IL1RAPL1: variants seen among roughly 807,000 people sequenced by gnomAD.
The protein encoded by IL1RAPL1 is interleukin-1 receptor accessory protein-like 1.
Under a neutral mutation model 48.4 loss-of-function variants are expected in IL1RAPL1, and 3 were observed. The ratio of observed to expected loss-of-function variants is 0.06; its 90% CI spans 0.03 to 0.16. The LOEUF (loss-of-function observed/expected upper bound fraction) is 0.16. Ranked by LOEUF, IL1RAPL1 falls within the 10% of genes least tolerant of loss-of-function variation. The pLI, the probability that IL1RAPL1 is intolerant of heterozygous loss-of-function variation, is 1.00. For synonymous variants in IL1RAPL1, 185 were observed against 187.7 expected, an observed-to-expected ratio of 0.99 and a Z score of 0.12; for missense variants, 349 against 530.6, an observed-to-expected ratio of 0.66 and a Z score of 3.36.
chrX:28,922,231 A>C (rs1367392852), intron 2 of IL1RAPL1, among the ~76,000 whole-genome samples: 2 of 112,175 alleles, frequency 1.8e-5, no homozygotes, highest in African/African-American at 6.5e-5. Context: ...TATACATTTC[A>C]AAAGGCTAAT....
chrX:28,800,759 C>T (rs568344868), intron 2 of IL1RAPL1, among the ~76,000 whole-genome samples: 1 of 110,522 alleles, frequency 9.0e-6, no homozygotes, highest in Non-Finnish European at 1.9e-5. Context: ...GGAGAGACAA[C>T]GGAGTCTGAA....
intron 2 of IL1RAPL1, among the ~76,000 whole-genome samples, chrX:28,931,069 A>T (rs750514211): frequency 8.1e-5 from 9 of 111,432 alleles, no homozygotes; most frequent in Non-Finnish European, 1.5e-4. Context: ...GATAACAGTG[A>T]GTGATATTGC....
intron 6 of IL1RAPL1, among the ~76,000 whole-genome samples, chrX:29,709,084 G>T (rs1448959498): frequency 8.9e-6 from 1 of 111,877 alleles, no homozygotes; most frequent in Non-Finnish European, 1.9e-5. Flanking sequence ...TCCTGCTGTT[G>T]AGTTGTTTGA....
At chrX:29,794,719 G>A in intron 6 of IL1RAPL1, among the ~76,000 whole-genome samples, 1 of 111,723 alleles carries the variant, frequency 9.0e-6, no homozygotes, top group Non-Finnish European at 1.9e-5. Context: ...CCATTAAATC[G>A]AATAGAGGGT....
At chrX:29,742,975 C>T (rs1261056453) in intron 6 of IL1RAPL1, among the ~76,000 whole-genome samples, 1 of 110,389 alleles carries the variant, frequency 9.1e-6, no homozygotes, top group African/African-American at 3.3e-5. Context: ...AATCAGCTAA[C>T]CTCTCTGAAT....
intron 2 of IL1RAPL1, among the ~76,000 whole-genome samples, chrX:29,191,288 C>A (rs1290722341): frequency 9.0e-6 from 1 of 111,551 alleles, no homozygotes; most frequent in Non-Finnish European, 1.9e-5. Context: ...AAACAGAAAT[C>A]AACCTTATCA....
chrX:28,909,155 A>G (rs1187385604), intron 2 of IL1RAPL1, among the ~76,000 whole-genome samples: 1 of 111,333 alleles, frequency 9.0e-6, no homozygotes, highest in Admixed American at 9.6e-5. Flanking sequence ...TCTGTTTTTT[A>G]ATTGGTGTAT....
intron 6 of IL1RAPL1, among the ~76,000 whole-genome samples, chrX:29,868,826 C>T (rs1224708480): frequency 8.9e-6 from 1 of 112,220 alleles, no homozygotes; most frequent in African/African-American, 3.2e-5. Context: ...TAGGTTCTCA[C>T]TGGGCAAACT....
chrX:28,924,713 C>T lies in IL1RAPL1; in HGVS notation c.82+135288C>T, dbSNP rs759488323. ...GAAAATGAAAGATTTATGTGGCTCT[C>T]ACGTGAAACATCCTCTGGCAAGGGA... On this transcript the variant is annotated intron_variant, in intron 2 of 10. Coordinates refer to ENST00000378993, the MANE Select transcript of IL1RAPL1 (RefSeq NM_014271.4). Among the ~76,000 whole-genome samples the T allele has an allele frequency of 2.4e-4, 27 of 112,086 alleles. No homozygotes were observed. In the East Asian group the frequency reaches 7.0e-3, roughly 29 times the overall value.
Position 29,476,479 on chromosome X carries a change from A to T in IL1RAPL1, c.703+77171A>T, listed in dbSNP as rs141377577. On this transcript the variant is annotated intron_variant, in intron 5 of 10. Coordinates refer to ENST00000378993, the MANE Select transcript of IL1RAPL1 (RefSeq NM_014271.4). ...TGTCGTGTATTTATGTGATGTAAAT[A>T]GTTATAGGTAAGTCTTATTTATCTG... Among the ~76,000 whole-genome samples the T allele has an allele frequency of 7.9e-3, 883 of 111,824 alleles. 13 individuals are homozygous for T. Among genetic ancestry groups the T allele is most frequent in the African/African-American group, 0.025 (756 of 30,706 alleles).
chrX:29,067,903 T>C (rs1927483634), intron 2 of IL1RAPL1, among the ~76,000 whole-genome samples: 1 of 112,064 alleles, frequency 8.9e-6, no homozygotes, highest in Admixed American at 9.5e-5. Flanking sequence ...TTTAGCAGCT[T>C]GGCATAATCA....
chrX:28,639,451 A>G (rs1275562127), intron 1 of IL1RAPL1, among the ~76,000 whole-genome samples: 1 of 111,264 alleles, frequency 9.0e-6, no homozygotes, highest in Non-Finnish European at 1.9e-5. Context: ...CAAAAATGTA[A>G]CCCCCATACT....
chrX:29,193,135 CT>C (rs758353863), intron 2 of IL1RAPL1, among the ~76,000 whole-genome samples: 2 of 110,394 alleles, frequency 1.8e-5, no homozygotes, highest in South Asian at 3.8e-4. Flanking sequence ...TTATAATTTA[CT>C]TTGCTATAAT....
chrX:29,347,998 G>T (rs919456226), intron 3 of IL1RAPL1, among the ~76,000 whole-genome samples: 1 of 111,836 alleles, frequency 8.9e-6, no homozygotes, highest in African/African-American at 3.3e-5. Flanking sequence ...TCAGAGCAGT[G>T]TGCAATTGAA....
At chrX:29,184,720 C>T (rs1176503218) in intron 2 of IL1RAPL1, among the ~76,000 whole-genome samples, 3 of 110,846 alleles carry the variant, frequency 2.7e-5, no homozygotes, top group East Asian at 5.7e-4. Context: ...AGGCTGGTCT[C>T]GAACTCCTGA....
At chrX:29,072,408 C>G (rs1927584679) in intron 2 of IL1RAPL1, among the ~76,000 whole-genome samples, 1 of 111,576 alleles carries the variant, frequency 9.0e-6, no homozygotes, top group African/African-American at 3.3e-5. Context: ...CTCCCCTTTC[C>G]TGGGTCGTGA....
intron 3 of IL1RAPL1, among the ~76,000 whole-genome samples, chrX:29,394,972 A>G (rs35157733): frequency 0.14 from 15,728 of 111,696 alleles, 998 homozygotes; most frequent in African/African-American, 0.25. Context: ...TTAGCATTCA[A>G]CAAAAGCAAG....
At chrX:29,222,639 C>T (rs17333889) in intron 2 of IL1RAPL1, among the ~76,000 whole-genome samples, 13,416 of 111,054 alleles carry the variant, frequency 0.12, 928 homozygotes, top group East Asian at 0.39. Flanking sequence ...ACTAAGACAG[C>T]GGAAATGGGT....
intron 5 of IL1RAPL1, among the ~76,000 whole-genome samples, chrX:29,467,688 G>A (rs1038729031): frequency 2.7e-5 from 3 of 111,359 alleles, no homozygotes; most frequent in Non-Finnish European, 5.7e-5. Flanking sequence ...TTTGTGAGTG[G>A]TAAAGTCTGT....
Sources: gnomAD v4.1 joint callset for allele counts (sites outside exome capture counted in the v4.1 genomes callset) on GRCh38, gnomAD v4.1.1 for gene constraint, MANE v1.5 for transcripts, NCBI Gene and HGNC (gene_info 2026-07-23, HGNC 2026-07-21) for gene names.